Variants in DNM1L observed in about 807,000 individuals in gnomAD.
DNM1L encodes dynamin 1L, also known as dynamin-1-like protein.
DNM1L carries 33 observed loss-of-function variants against 92.8 expected under a neutral mutation model. The observed-to-expected ratio is 0.36, with a 90% CI of 0.27 to 0.48. DNM1L has a LOEUF of 0.48. DNM1L is among the 20% of genes least tolerant of loss of function. The pLI, the probability that DNM1L is intolerant of heterozygous loss-of-function variation, is 0.99. For missense variants in DNM1L, 485 were observed against 888.8 expected, an observed-to-expected ratio of 0.55 and a Z score of 5.78; for synonymous variants, 284 against 305.0, an observed-to-expected ratio of 0.93 and a Z score of 0.72.
At chr12:32,723,566 C>A (rs1300516796) in intron 9 of DNM1L, among the ~76,000 whole-genome samples, 1 of 151,570 alleles carries the variant, frequency 6.6e-6, no homozygotes, top group Non-Finnish European at 1.5e-5. Context: ...TGGTGGTGGG[C>A]AGCTGTAATC....
chr12:32,705,189 G>T (rs907573595), intron 2 of DNM1L, among the ~76,000 whole-genome samples: 3 of 151,884 alleles, frequency 2.0e-5, no homozygotes, highest in African/African-American at 7.3e-5. Flanking sequence ...TTTTAGTAGA[G>T]ACGGGGTTTT....
At chr12:32,729,891 A>G (rs1338802446) in intron 9 of DNM1L, among the ~76,000 whole-genome samples, 1 of 152,214 alleles carries the variant, frequency 6.6e-6, no homozygotes, top group African/African-American at 2.4e-5. Context: ...TGCCTGAGCT[A>G]GTATAAAAAA....
Position 32,697,734 on chromosome 12 carries a change from T to G in DNM1L, c.103-3681T>G, listed in dbSNP as rs554960373. 1.5e-3 allele frequency among the ~76,000 whole-genome samples: 224 copies of G among 152,036 alleles called. 1 individual carries two copies. Among genetic ancestry groups the G allele is most frequent in the Non-Finnish European group, 2.1e-3 (140 of 67,994 alleles). ...AAGCTAATGTTTCAACTCAAGGAGC[T>G]TTTTTAAAGAACAGATAAACCCTCC... On this transcript the variant is annotated intron_variant, in intron 1 of 19. Transcript: ENST00000549701.
At chr12:32,697,760 T>C (rs574708083) in intron 1 of DNM1L, among the ~76,000 whole-genome samples, 1 of 151,984 alleles carries the variant, frequency 6.6e-6, no homozygotes, top group East Asian at 1.9e-4. Context: ...TAAACCCTCC[T>C]TTCACCAGGA....
intron 19 of DNM1L, 118 bp downstream of exon 19, chr12:32,742,866 C>G: frequency 1.2e-6 from 1 of 853,814 alleles, no homozygotes; most frequent in South Asian, 1.6e-5. Flanking sequence ...AGGCTTGTTT[C>G]CTGTTGGTAC....
rs1971911 is a variant in DNM1L at position 32,744,154 on chromosome 12, A to T, written c.*744A>T. 23,378 of 152,196 alleles carry T rather than the reference A, an allele frequency of 0.15. 1,904 individuals carry two copies. Among genetic ancestry groups the T allele is most frequent in the Middle Eastern group, 0.21 (61 of 294 alleles). The allele number at this position is 152,196 out of a possible 1,614,324, so 9.4% of individuals were successfully genotyped here. A position where few individuals can be genotyped will look rare whatever the true frequency, so the allele number is the denominator to read the frequency against. On this transcript the variant is annotated 3_prime_UTR_variant, in exon 20 of 20. Coordinates refer to ENST00000549701, the MANE Select transcript of DNM1L (RefSeq NM_012062.5). ...CAGCCATCTACCCTTGATTATCTAG[A>T]AAGACTTGGTAATGATGGTCAGTTC...
intron 1 of DNM1L, among the ~76,000 whole-genome samples, chr12:32,693,886 A>G (rs917664074): frequency 6.6e-6 from 1 of 151,908 alleles, no homozygotes; most frequent in Non-Finnish European, 1.5e-5. Context: ...TGATCTGCCT[A>G]CCTTGGCCTC....
intron 6 of DNM1L, among the ~76,000 whole-genome samples, chr12:32,718,032 ATAC>A (rs1187102403): frequency 7.9e-6 from 1 of 126,372 alleles, no homozygotes; most frequent in African/African-American, 3.0e-5. Context: ...TTATAAATAT[ATAC>A]TATACATACT....
chr12:32,717,480 TTA>T (rs1223357097), intron 6 of DNM1L, among the ~76,000 whole-genome samples: 3 of 106,544 alleles, frequency 2.8e-5, no homozygotes, highest in African/African-American at 1.2e-4. Context: ...AGTATATATA[TTA>T]TATATATATA....
At chr12:32,730,400 T>G (rs1314249638) in intron 9 of DNM1L, among the ~76,000 whole-genome samples, 1 of 151,584 alleles carries the variant, frequency 6.6e-6, no homozygotes, top group African/African-American at 2.4e-5. Flanking sequence ...AGAGATTTAA[T>G]TTGTCTAAAG....
chr12:32,726,573 C>A (rs1428016510), intron 9 of DNM1L: 20 of 1,214,392 alleles, frequency 1.6e-5, no homozygotes, highest in Non-Finnish European at 2.1e-5. Flanking sequence ...TAAAAAGTGA[C>A]CAATTTTGAA....
At position 32,745,345 on chromosome 12, in the gene DNM1L, GAA is replaced by G. The variant is rs1307559369; in HGVS notation, c.*1938_*1939del. The G allele has an allele frequency of 3.6e-5, 8 of 220,584 alleles. No individual in the cohort carries two copies. Among genetic ancestry groups the G allele is most frequent in the Non-Finnish European group, 7.1e-5 (8 of 112,198 alleles). The allele number at this position is 220,584 out of a possible 1,614,324, so 13.7% of individuals were successfully genotyped here. On this transcript the variant is annotated 3_prime_UTR_variant, in exon 20 of 20. Transcript: ENST00000549701. The stretch of plus-strand genomic sequence containing the variant: ...TCTCCAGCACATCAGATTTCAAATT[GAA>G]AATTAAAGACATGCTATGGTAATGC...
intron 9 of DNM1L, among the ~76,000 whole-genome samples, chr12:32,730,601 A>G: frequency 6.6e-6 from 1 of 150,722 alleles, no homozygotes; most frequent in East Asian, 1.9e-4. Flanking sequence ...CAGAGACTGT[A>G]TGGCCTGAAA....
chr12:32,705,712 G>A (rs1203410886), intron 2 of DNM1L: 1 of 941,330 alleles, frequency 1.1e-6, no homozygotes, highest in African/African-American at 1.7e-5. Context: ...ATAATTGAAT[G>A]CTATGTGCAT....
At chr12:32,717,679 A>C in intron 6 of DNM1L, among the ~76,000 whole-genome samples, 1 of 89,112 alleles carries the variant, frequency 1.1e-5, no homozygotes, top group African/African-American at 4.7e-5. Flanking sequence ...ACATATACCT[A>C]GGTAGATATA....
intron 4 of DNM1L, 28 bp downstream of exon 4, chr12:32,708,252 A>G: frequency 7.4e-7 from 1 of 1,350,986 alleles, no homozygotes; most frequent in Admixed American, 1.7e-5. Flanking sequence ...GCTAGAAGGC[A>G]TAAGCATCAG....
chr12:32,690,441 T>A (rs1402408782), intron 1 of DNM1L, among the ~76,000 whole-genome samples: 1 of 152,192 alleles, frequency 6.6e-6, no homozygotes, highest in African/African-American at 2.4e-5. Context: ...TAGCCACAGC[T>A]CCTATTGCTC....
chr12:32,683,383 AT>A (rs550657558), intron 1 of DNM1L, among the ~76,000 whole-genome samples: 19 of 145,428 alleles, frequency 1.3e-4, no homozygotes, highest in Admixed American at 2.1e-4. Context: ...CATCTGGCTA[AT>A]TTTTTTTTTT....
At chr12:32,681,982 AGACC>A (rs1951823337) in intron 1 of DNM1L, among the ~76,000 whole-genome samples, 1 of 152,070 alleles carries the variant, frequency 6.6e-6, no homozygotes, top group African/African-American at 2.4e-5. Context: ...CGACAGAGTG[AGACC>A]CTGATTCTTC....
Sources: gnomAD v4.1 joint callset for allele counts (sites outside exome capture counted in the v4.1 genomes callset) on GRCh38, gnomAD v4.1.1 for gene constraint, MANE v1.5 for transcripts, NCBI Gene and HGNC (gene_info 2026-07-23, HGNC 2026-07-21) for gene names.